Variants in ITGB6 observed in about 807,000 individuals in gnomAD.
ITGB6 encodes integrin subunit beta 6.
Under a neutral mutation model 84.5 loss-of-function variants are expected in ITGB6, and 80 were observed. The ratio of observed to expected loss-of-function variants is 0.95; its 90% confidence interval spans 0.79 to 1.14. ITGB6 has a LOEUF of 1.14. Ranked by LOEUF, ITGB6 falls within the 50% of genes most tolerant of loss-of-function variation. The pLI, the probability that ITGB6 is intolerant of heterozygous loss-of-function variation, is 0.00. For missense variants in ITGB6, 1,006 were observed against 968.0 expected (o/e 1.04, Z -0.52); for synonymous variants, 383 against 354.9 (o/e 1.08, Z -0.89).
At chr2:160,146,157 G>A (rs1252594687) in intron 7 of ITGB6, among the ~76,000 whole-genome samples, 1 of 152,066 alleles carries the variant, frequency 6.6e-6, no homozygotes. Context: ...GTCACAAGTC[G>A]AGTGGTCACA....
chr2:160,189,663 C>T (rs560061434), intron 4 of ITGB6, among the ~76,000 whole-genome samples: 11 of 152,176 alleles, frequency 7.2e-5, no homozygotes, highest in Non-Finnish European at 1.5e-4. Flanking sequence ...GATACCATCT[C>T]ACACCAGTTA....
At chr2:160,171,141 G>C (rs1374693144) in intron 6 of ITGB6, among the ~76,000 whole-genome samples, 2 of 152,040 alleles carry the variant, frequency 1.3e-5, no homozygotes, top group African/African-American at 4.8e-5. Flanking sequence ...AGAGTTTTTA[G>C]AGAATAGTTT....
chr2:160,168,771 G>C (rs1241930343), intron 7 of ITGB6, among the ~76,000 whole-genome samples: 1 of 152,056 alleles, frequency 6.6e-6, no homozygotes, highest in African/African-American at 2.4e-5. Flanking sequence ...AATAGCTTGT[G>C]TCTCTGTGTG....
intron 4 of ITGB6, among the ~76,000 whole-genome samples, chr2:160,184,938 G>A (rs1160005003): frequency 1.3e-5 from 2 of 152,094 alleles, no homozygotes; most frequent in Admixed American, 6.5e-5. Context: ...ATCCCTTCAT[G>A]CTAAAAACTC....
chr2:160,105,702 C>T (rs1017182219), intron 14 of ITGB6, among the ~76,000 whole-genome samples: 1 of 152,152 alleles, frequency 6.6e-6, no homozygotes, highest in South Asian at 2.1e-4. Context: ...TAACCATATT[C>T]TTTTACCTGG....
intron 7 of ITGB6, among the ~76,000 whole-genome samples, chr2:160,155,418 C>A (rs1232404850): frequency 6.6e-6 from 1 of 152,140 alleles, no homozygotes; most frequent in African/African-American, 2.4e-5. Flanking sequence ...ATAAAGTGTA[C>A]AACACCAAGA....
chr2:160,172,647 T>C lies in ITGB6; in HGVS notation c.843A>G (p.Lys281=). ...CATTAGGAATGACGATGCCTGCTAG[T>C]TTGCTGTCCATTCCAAAATGAGAAT... ...DADSHFGMDS[K]LAGIVIPNDG... The change falls in exon 6 of 15, where the codon AAA becomes AAG. Residue 281 remains lysine (K), a synonymous_variant. Coordinates refer to ENST00000283249, the MANE Select transcript of ITGB6 (RefSeq NM_000888.5). 2 of 1,612,302 alleles carry C rather than the reference T, an allele frequency of 1.2e-6. No individual in the cohort carries two copies. The highest frequency in any genetic ancestry group is 1.7e-6 in the Non-Finnish European group (2 of 1,178,474).
intron 2 of ITGB6, among the ~76,000 whole-genome samples, chr2:160,196,970 A>G (rs774217315): frequency 6.6e-6 from 1 of 152,048 alleles, no homozygotes; most frequent in Non-Finnish European, 1.5e-5. Context: ...CATCTCCCCC[A>G]TCTAGCACTC....
Position 160,104,211 on chromosome 2 carries a change from C to T in ITGB6, c.2269-2377G>A, listed in dbSNP as rs551974843. Among the ~76,000 whole-genome samples the T allele has an allele frequency of 1.7e-3, 262 of 152,176 alleles. 2 individuals carry two copies. The highest frequency in any genetic ancestry group is 5.6e-3 in the African/African-American group (232 of 41,512). Reference sequence around the variant, plus strand: ...GGTAAGGTGGAAGTGTAAAAGTGGACGAAGAGCAAGTACATATTGCTGTTG... The same window carrying T: ...GGTAAGGTGGAAGTGTAAAAGTGGATGAAGAGCAAGTACATATTGCTGTTG... On this transcript the variant is annotated intron_variant, in intron 14 of 14. Coordinates refer to ENST00000283249, the MANE Select transcript of ITGB6 (RefSeq NM_000888.5).
chr2:160,137,392 C>A (rs1477541685), intron 10 of ITGB6, 42 bp downstream of exon 10: 3 of 1,563,794 alleles, frequency 1.9e-6, no homozygotes, highest in Non-Finnish European at 2.6e-6. Context: ...CTTGCTGATA[C>A]TTGAGCAGCC....
At chr2:160,104,136 A>C (rs1696818627) in intron 14 of ITGB6, among the ~76,000 whole-genome samples, 1 of 152,184 alleles carries the variant, frequency 6.6e-6, no homozygotes. Context: ...TAGGGCCAAG[A>C]CATTGCTTAT....
chr2:160,113,515 T>C (rs4265965), intron 12 of ITGB6, among the ~76,000 whole-genome samples: 101,447 of 152,092 alleles, frequency 0.67, 34,181 homozygotes, highest in Admixed American at 0.74. Context: ...CAAACTGTTT[T>C]TGAACCCATT....
intron 7 of ITGB6, among the ~76,000 whole-genome samples, chr2:160,144,658 C>T (rs7581712): frequency 0.19 from 29,631 of 152,202 alleles, 3,170 homozygotes; most frequent in Admixed American, 0.32. Context: ...CTGAGAACCC[C>T]AGGACTGAGG....
chr2:160,193,960 C>A (rs1686237637), intron 4 of ITGB6, among the ~76,000 whole-genome samples: 1 of 152,178 alleles, frequency 6.6e-6, no homozygotes, highest in African/African-American at 2.4e-5. Flanking sequence ...AGTTTGAGAC[C>A]AGCCTGGCCA....
chr2:160,170,297 T>C (rs539657556), intron 6 of ITGB6, among the ~76,000 whole-genome samples: 51 of 152,344 alleles, frequency 3.3e-4, no homozygotes, highest in Admixed American at 1.0e-3. Flanking sequence ...AAGGTTCAAG[T>C]TGAGAGAAAA....
intron 7 of ITGB6, among the ~76,000 whole-genome samples, chr2:160,154,358 TC>T (rs1324270689): frequency 1.3e-5 from 2 of 150,110 alleles, no homozygotes; most frequent in African/African-American, 4.9e-5. Flanking sequence ...CTGAATGTTA[TC>T]ACTCATAGGT....
intron 7 of ITGB6, among the ~76,000 whole-genome samples, chr2:160,145,662 C>T (rs1195426290): frequency 6.6e-6 from 1 of 152,172 alleles, no homozygotes; most frequent in African/African-American, 2.4e-5. Context: ...TGTCTGGCTG[C>T]CAGAACCAGC....
rs10710243 is a variant in ITGB6 at position 160,111,136 on chromosome 2, G to GA, written c.2101+943dup. Among the ~76,000 whole-genome samples the GA allele has an allele frequency of 6.2e-4, 93 of 149,070 alleles. 1 individual carries two copies. Among genetic ancestry groups the GA allele is most frequent in the Middle Eastern group, 7.0e-3 (2 of 286 alleles). On this transcript the variant is annotated intron_variant, in intron 13 of 14. Transcript: ENST00000283249. ...GCATTTAGCCAAGGCATGTTTCACT[G>GA]AAAAAAAAAAAATCACCAACTAGAT... is the stretch of plus-strand genomic sequence containing the variant.
chr2:160,106,889 G>T (rs1370391924), intron 14 of ITGB6, among the ~76,000 whole-genome samples: 1 of 152,180 alleles, frequency 6.6e-6, no homozygotes, highest in Non-Finnish European at 1.5e-5. Context: ...TGATATCATT[G>T]TTGTTAGAAT....
Sources: allele counts gnomAD v4.1 joint callset (sites outside exome capture counted in the v4.1 genomes callset), GRCh38; gene constraint gnomAD v4.1.1; transcripts MANE v1.5; gene names NCBI Gene and HGNC (gene_info 2026-07-23, HGNC 2026-07-21).